KCNQ5: variants seen among roughly 807,000 people sequenced by gnomAD.
KCNQ5 encodes potassium voltage-gated channel subfamily Q member 5.
A neutral mutation model predicts 98.2 loss-of-function variants in KCNQ5; 30 were observed. The observed-to-expected ratio is 0.31, with a 90% CI of 0.23 to 0.41. The LOEUF is 0.41. Ranked by LOEUF, KCNQ5 falls within the 10% of genes least tolerant of loss-of-function variation. The pLI is 1.00. For missense variants in KCNQ5, 835 were observed against 1,182.5 expected, an observed-to-expected ratio of 0.71 and a Z score of 4.31; for synonymous variants, 458 against 449.4, an observed-to-expected ratio of 1.02 and a Z score of -0.24.
At chr6:72,990,616 G>A (rs1769048649) in intron 1 of KCNQ5, among the ~76,000 whole-genome samples, 1 of 130,852 alleles carries the variant, frequency 7.6e-6, no homozygotes. Context: ...GGGACAATTT[G>A]ACTTTCTCTT....
At chr6:72,982,155 T>G (rs1411465100) in intron 1 of KCNQ5, among the ~76,000 whole-genome samples, 2 of 152,362 alleles carry the variant, frequency 1.3e-5, no homozygotes, top group Admixed American at 1.3e-4. Context: ...GAAAGTTCTG[T>G]AGATGTCTAT....
intron 1 of KCNQ5, among the ~76,000 whole-genome samples, chr6:72,759,853 C>T (rs1191736516): frequency 6.6e-6 from 1 of 152,068 alleles, no homozygotes; most frequent in Non-Finnish European, 1.5e-5. Flanking sequence ...GCTTCACATA[C>T]ACATGCATGC....
intron 1 of KCNQ5, among the ~76,000 whole-genome samples, chr6:72,733,307 A>G (rs1770648612): frequency 6.6e-6 from 1 of 152,174 alleles, no homozygotes; most frequent in African/African-American, 2.4e-5. Context: ...AGCACTGTAG[A>G]AGTAAAGAAA....
chr6:72,766,055 A>G (rs1322496821), intron 1 of KCNQ5, among the ~76,000 whole-genome samples: 2 of 152,064 alleles, frequency 1.3e-5, no homozygotes, highest in African/African-American at 2.4e-5. Context: ...AGTAGAGGAT[A>G]TAGACAATCA....
intron 5 of KCNQ5, among the ~76,000 whole-genome samples, chr6:73,078,554 G>A (rs1172139536): frequency 6.6e-6 from 1 of 152,188 alleles, no homozygotes; most frequent in East Asian, 1.9e-4. Context: ...GTTAAAACCA[G>A]TTCAAAGCAC....
chr6:72,758,065 T>C (rs1274189442), intron 1 of KCNQ5, among the ~76,000 whole-genome samples: 2 of 151,864 alleles, frequency 1.3e-5, no homozygotes, highest in East Asian at 3.9e-4. Context: ...ATGGACAGGA[T>C]TCAGAATGCC....
At chr6:72,646,721 C>T (rs1485153643) in intron 1 of KCNQ5, among the ~76,000 whole-genome samples, 3 of 152,122 alleles carry the variant, frequency 2.0e-5, no homozygotes, top group Non-Finnish European at 2.9e-5. Flanking sequence ...TGTCATTTGC[C>T]CATAAGCATA....
intron 3 of KCNQ5, chr6:73,043,290 C>A: frequency 5.2e-6 from 1 of 192,250 alleles, no homozygotes; most frequent in Non-Finnish European, 1.2e-5. Flanking sequence ...ACTGGTGTTA[C>A]AATAGTGAAT....
intron 1 of KCNQ5, among the ~76,000 whole-genome samples, chr6:72,869,893 T>G (rs571131706): frequency 6.6e-6 from 1 of 152,190 alleles, no homozygotes; most frequent in Non-Finnish European, 1.5e-5. Context: ...AGAATTTGGA[T>G]AATTTTTGTG....
rs182983276 is a variant in KCNQ5, at chr6:72,704,170, G to A, written c.398+81583G>A. 8.5e-4 allele frequency among the ~76,000 whole-genome samples: 129 copies of A among 152,092 alleles called. 1 individual carries two copies. Among genetic ancestry groups the A allele is most frequent in the African/African-American group, 3.0e-3 (123 of 41,504 alleles). On this transcript the variant is annotated intron_variant, in intron 1 of 13. Transcript: ENST00000370398. ...TTTTATTATCAAAAATCAGGCTTTG[G>A]GCAAGGTCATTTCCTATTTTCCTCT...
chr6:72,799,729 T>G (rs1774535593), intron 1 of KCNQ5, among the ~76,000 whole-genome samples: 1 of 152,242 alleles, frequency 6.6e-6, no homozygotes, highest in African/African-American at 2.4e-5. Context: ...ACTGTGGGAC[T>G]GCCTGCAGTC....
intron 2 of KCNQ5, among the ~76,000 whole-genome samples, chr6:73,015,672 G>A (rs1029762771): frequency 6.6e-6 from 1 of 152,140 alleles, no homozygotes; most frequent in Non-Finnish European, 1.5e-5. Flanking sequence ...CCACACTGAT[G>A]TTTAGCTCTT....
At chr6:72,917,454 TTTTTATTTTA>T (rs199931952) in intron 1 of KCNQ5, among the ~76,000 whole-genome samples, 2,348 of 147,752 alleles carry the variant, frequency 0.016, 24 homozygotes, top group Non-Finnish European at 0.024. Context: ...TTTATTTTTA[TTTTTATTTTA>T]TTTTATTTTA....
intron 1 of KCNQ5, chr6:72,986,925 A>C: frequency 4.7e-6 from 4 of 859,910 alleles, no homozygotes; most frequent in Non-Finnish European, 7.7e-6. Flanking sequence ...GGTGAGGAAC[A>C]GGCAGCCTTG....
chr6:72,653,078 T>C (rs186958979), intron 1 of KCNQ5, among the ~76,000 whole-genome samples: 35 of 152,170 alleles, frequency 2.3e-4, no homozygotes, highest in African/African-American at 7.9e-4. Context: ...GTTTGTTTAT[T>C]CCATAAGAGT....
chr6:73,135,181 CAG>C (rs1776413347), intron 10 of KCNQ5: 1 of 150,688 alleles, frequency 6.6e-6, no homozygotes, highest in Non-Finnish European at 1.5e-5. Flanking sequence ...ATTATTGACA[CAG>C]AAAGATGATA....
At chr6:72,814,265 C>T (rs962597899) in intron 1 of KCNQ5, among the ~76,000 whole-genome samples, 3 of 152,158 alleles carry the variant, frequency 2.0e-5, no homozygotes, top group African/African-American at 7.2e-5. Flanking sequence ...TGCTCCTCCA[C>T]CGCAGTGCAA....
At chr6:72,658,576 A>ATT (rs1158254933) in intron 1 of KCNQ5, among the ~76,000 whole-genome samples, 21 of 92,384 alleles carry the variant, frequency 2.3e-4, no homozygotes, top group African/African-American at 6.2e-4. Flanking sequence ...ATATATATAT[A>ATT]TATTTTTTTT....
chr6:73,077,664 C>G (rs1773591427), intron 4 of KCNQ5, 98 bp from the exon 5 acceptor site: 4 of 1,315,458 alleles, frequency 3.0e-6, no homozygotes, highest in African/African-American at 3.0e-5. Flanking sequence ...TCATAAACAT[C>G]CAAGAAGTAG....
Sources: gnomAD v4.1 joint callset for allele counts (sites outside exome capture counted in the v4.1 genomes callset) on GRCh38, gnomAD v4.1.1 for gene constraint, MANE v1.5 for transcripts, NCBI Gene and HGNC (gene_info 2026-07-23, HGNC 2026-07-21) for gene names.